The following WRN variants were observed in gnomAD, a reference collection of about 807,000 sequenced individuals.
WRN encodes the protein bifunctional 3'-5' exonuclease/ATP-dependent helicase WRN.
A neutral mutation model predicts 180.7 loss-of-function variants in WRN; 149 were observed. The observed-to-expected ratio is 0.82, with a 90% CI of 0.72 to 0.94. The LOEUF is 0.94. WRN is among the 40% of genes least tolerant of loss of function. The probability of loss-of-function intolerance (pLI) is 0.00; values close to 1 mark genes in which losing one functional copy is unlikely to be tolerated. For missense variants in WRN, 1,661 were observed against 1,700.1 expected (o/e 0.98, Z 0.40); for synonymous variants, 548 against 568.9 (o/e 0.96, Z 0.52).
intron 21 of WRN, 129 bp downstream of exon 21, chr8:31,120,553 A>AAAG (rs1220948362): frequency 1.2e-5 from 12 of 999,600 alleles, no homozygotes; most frequent in Non-Finnish European, 1.4e-5. Flanking sequence ...AAAAAAAAAA[A>AAAG]AAAGAAAAAT....
chr8:31,165,208 C>A (rs1436712101), intron 33 of WRN, among the ~76,000 whole-genome samples: 1 of 151,784 alleles, frequency 6.6e-6, no homozygotes, highest in Non-Finnish European at 1.5e-5. Flanking sequence ...ATAGCTCAAG[C>A]TTGTGTGATT....
At chr8:31,113,846 C>G (rs1304855599) in intron 19 of WRN, among the ~76,000 whole-genome samples, 1 of 152,126 alleles carries the variant, frequency 6.6e-6, no homozygotes, top group African/African-American at 2.4e-5. Context: ...CCCCAGTGCC[C>G]CTTGTTGCTT....
intron 7 of WRN, among the ~76,000 whole-genome samples, chr8:31,070,294 A>G (rs780332886): frequency 5.9e-5 from 9 of 151,664 alleles, no homozygotes; most frequent in Non-Finnish European, 1.2e-4. Flanking sequence ...CTTCATGTAC[A>G]TATGGATGAT....
chr8:31,102,341 C>T (rs1175512804), intron 18 of WRN, among the ~76,000 whole-genome samples: 1 of 152,132 alleles, frequency 6.6e-6, no homozygotes, highest in Non-Finnish European at 1.5e-5. Context: ...AACATAACTA[C>T]CTTGAGATCT....
chr8:31,068,642 T>C (rs896122831), intron 7 of WRN, among the ~76,000 whole-genome samples: 1 of 152,236 alleles, frequency 6.6e-6, no homozygotes, highest in Non-Finnish European at 1.5e-5. Context: ...ACATCCTTGC[T>C]ATAAGTATTT....
intron 33 of WRN, among the ~76,000 whole-genome samples, chr8:31,162,878 TATGATG>T (rs35224697): frequency 2.0e-5 from 3 of 151,908 alleles, no homozygotes; most frequent in Non-Finnish European, 2.9e-5. Flanking sequence ...TGGTGGCAAA[TATGATG>T]ATGATGATGA....
chr8:31,133,447 C>A (rs180914823), intron 24 of WRN, among the ~76,000 whole-genome samples: 2 of 151,594 alleles, frequency 1.3e-5, no homozygotes, highest in African/African-American at 4.9e-5. Flanking sequence ...ATGGCGTGAA[C>A]GTGGGAGGCG....
chr8:31,119,196 T>G (rs897810728), intron 20 of WRN, among the ~76,000 whole-genome samples: 1 of 151,914 alleles, frequency 6.6e-6, no homozygotes, highest in Admixed American at 6.6e-5. Context: ...TTTCCTTCTT[T>G]TCTCTTCCTT....
Position 31,092,198 on chromosome 8 carries a change from A to C in WRN, c.1898+300A>C, listed in dbSNP as rs374102056. On this transcript the variant is annotated intron_variant, in intron 16 of 34. Coordinates refer to ENST00000298139, the MANE Select transcript of WRN (RefSeq NM_000553.6). ...TGTTATTCTCGGTTCTTGGGCTATAAGATTAGCATTGTACTCATAGAATTA... is the reference window on the plus strand; with the variant it reads ...TGTTATTCTCGGTTCTTGGGCTATACGATTAGCATTGTACTCATAGAATTA... 9.2e-5 allele frequency among the ~76,000 whole-genome samples: 14 copies of C among 152,132 alleles called. No homozygotes were observed. In the South Asian group the frequency reaches 2.9e-3, roughly 32 times the overall value.
At chr8:31,147,826 G>A (rs1802923373) in intron 30 of WRN, among the ~76,000 whole-genome samples, 1 of 150,514 alleles carries the variant, frequency 6.6e-6, no homozygotes, top group East Asian at 1.9e-4. Flanking sequence ...TAAAACCTCT[G>A]ATCTGAATTT....
At chr8:31,073,615 C>T (rs1236127314) in intron 7 of WRN, among the ~76,000 whole-genome samples, 1 of 152,074 alleles carries the variant, frequency 6.6e-6, no homozygotes, top group East Asian at 1.9e-4. Flanking sequence ...GTAGTTAAAG[C>T]AGTGAGACTG....
intron 1 of WRN, among the ~76,000 whole-genome samples, chr8:31,036,902 T>C (rs927580708): frequency 6.6e-6 from 1 of 152,220 alleles, no homozygotes; most frequent in African/African-American, 2.4e-5. Context: ...CCTTTGCTTT[T>C]GAAGTCATAT....
At chr8:31,123,685 A>G (rs2725353) in intron 21 of WRN, among the ~76,000 whole-genome samples, 57,797 of 152,026 alleles carry the variant, frequency 0.38, 12,356 homozygotes, top group East Asian at 0.6. Flanking sequence ...TCCCTTAGAT[A>G]TTATAAGTAA....
At chr8:31,140,008 T>TG (rs1802552322) in intron 24 of WRN, among the ~76,000 whole-genome samples, 1 of 89,222 alleles carries the variant, frequency 1.1e-5, no homozygotes, top group Non-Finnish European at 2.1e-5. Flanking sequence ...TCTTTGTTTT[T>TG]TTTTTTTTTT....
chr8:31,123,658 G>A (rs968879657), intron 21 of WRN, among the ~76,000 whole-genome samples: 5 of 152,100 alleles, frequency 3.3e-5, no homozygotes, highest in Non-Finnish European at 7.4e-5. Flanking sequence ...ATTTTGATGA[G>A]GATTTTACTA....
intron 21 of WRN, among the ~76,000 whole-genome samples, chr8:31,122,892 G>T (rs1801780398): frequency 8.9e-6 from 1 of 112,682 alleles, no homozygotes; most frequent in Non-Finnish European, 1.8e-5. Flanking sequence ...TTTTCTATAG[G>T]AGGGGAACGA....
intron 1 of WRN, 142 bp from the exon 2 acceptor site, chr8:31,058,230 G>T (rs925637248): frequency 1.0e-5 from 5 of 501,534 alleles, no homozygotes; most frequent in Non-Finnish European, 1.8e-5. Context: ...AATACTAAAT[G>T]TATAATTATT....
At chr8:31,144,198 G>A (rs750099318) in intron 28 of WRN, among the ~76,000 whole-genome samples, 2 of 152,108 alleles carry the variant, frequency 1.3e-5, no homozygotes, top group African/African-American at 4.8e-5. Context: ...ATGTTCTGTT[G>A]TCATGTCTTT....
chr8:31,090,850 G>A lies in WRN; in HGVS notation c.1737G>A (p.Leu579=). 1.2e-6 allele frequency: 2 copies of A among 1,609,644 alleles called. No individual in the cohort carries two copies. The highest frequency in any genetic ancestry group is 1.7e-6 in the Non-Finnish European group (2 of 1,177,634). Residue 579 remains leucine (L), a synonymous_variant, in exon 15 of 35, where the codon TTG becomes TTA. Coordinates refer to ENST00000298139, the MANE Select transcript of WRN (RefSeq NM_000553.6). ...AVMATGYGKS[L]CFQYPPVYVG... ...CATTTCAAGGATATGGAAAGAGTTT[G>A]TGCTTCCAGTATCCACCTGTTTATG...
Sources: gnomAD v4.1 joint callset for allele counts (sites outside exome capture counted in the v4.1 genomes callset) on GRCh38, gnomAD v4.1.1 for gene constraint, MANE v1.5 for transcripts, NCBI Gene and HGNC (gene_info 2026-07-23, HGNC 2026-07-21) for gene names.